NEBL: variants seen among roughly 807,000 people sequenced by gnomAD.
NEBL encodes the protein LIM and SH3 protein 2.
A neutral mutation model predicts 140.2 loss-of-function variants in NEBL; 122 were observed. The ratio of observed to expected loss-of-function variants is 0.87; its 90% CI spans 0.75 to 1.01. The LOEUF is 1.01. NEBL is among the 50% of genes least tolerant of loss of function. The pLI, the probability that NEBL is intolerant of heterozygous loss-of-function variation, is 0.00. For missense variants in NEBL, 1,365 were observed against 1,231.3 expected, an observed-to-expected ratio of 1.11 and a Z score of -1.62; for synonymous variants, 436 against 398.9, an observed-to-expected ratio of 1.09 and a Z score of -1.11.
rs10594967 is a variant in NEBL, at chr10:21,073,617, CAAA to C, written c.165-53419_165-53417del. Among the ~76,000 whole-genome samples the C allele has an allele frequency of 7.3e-3, 559 of 76,372 alleles. 4 individuals are homozygous for C. Among genetic ancestry groups the C allele is most frequent in the Non-Finnish European group, 9.2e-3 (311 of 33,796 alleles). 50.1% of individuals were successfully genotyped at this position (76,372 alleles called of 152,430 possible). The stretch of plus-strand genomic sequence containing the variant: ...GGGTGACAGAGCAAGACTCTGTCGT[CAAA>C]AAAAAAAAAAAAAAAAAGTCTTTAT... On this transcript the variant is annotated intron_variant, in intron 2 of 6. Coordinates refer to the NEBL transcript ENST00000417816.
At chr10:20,924,375 G>A (rs1047832912) in intron 4 of NEBL, among the ~76,000 whole-genome samples, 1 of 122,434 alleles carries the variant, frequency 8.2e-6, no homozygotes, top group Non-Finnish European at 1.6e-5. Context: ...TTTGACAGAT[G>A]TGTATCAAAT....
chr10:21,245,454 C>T (rs1023425314), intron 3 of NEBL, among the ~76,000 whole-genome samples: 3 of 152,162 alleles, frequency 2.0e-5, no homozygotes, highest in African/African-American at 2.4e-5. Context: ...AAGAAGTCTG[C>T]CCCGGTAGGG....
intron 4 of NEBL, among the ~76,000 whole-genome samples, chr10:20,913,218 C>T (rs1428495635): frequency 2.6e-5 from 4 of 152,130 alleles, no homozygotes; most frequent in Non-Finnish European, 5.9e-5. Flanking sequence ...AGAGTTCAGA[C>T]AGCCACAGGC....
intron 2 of NEBL, among the ~76,000 whole-genome samples, chr10:21,040,230 G>C (rs187401438): frequency 1.3e-5 from 2 of 152,302 alleles, no homozygotes; most frequent in African/African-American, 4.8e-5. Context: ...GCTGGGTATG[G>C]TGGCGGGTGC....
intron 7 of NEBL, among the ~76,000 whole-genome samples, chr10:20,864,257 A>G (rs1378502215): frequency 6.6e-6 from 1 of 152,212 alleles, no homozygotes; most frequent in Non-Finnish European, 1.5e-5. Context: ...CAGTTACTGT[A>G]CTTAAATCTG....
upstream of NEBL, among the ~76,000 whole-genome samples, chr10:20,899,125 A>G (rs1257712927): frequency 1.3e-5 from 2 of 152,246 alleles, no homozygotes; most frequent in African/African-American, 4.8e-5. Context: ...GTAAAAGGAA[A>G]GAATGTGTGC....
chr10:21,234,004 T>A (rs1236887465), intron 3 of NEBL, among the ~76,000 whole-genome samples: 1 of 121,514 alleles, frequency 8.2e-6, no homozygotes, highest in Non-Finnish European at 1.7e-5. Context: ...ATTTAGGAGA[T>A]TGTGAGATAG....
intron 2 of NEBL, among the ~76,000 whole-genome samples, chr10:21,063,604 CTG>C (rs1303923979): frequency 1.3e-5 from 2 of 152,148 alleles, no homozygotes; most frequent in Admixed American, 1.3e-4. Flanking sequence ...TTAAAGATCT[CTG>C]GAGTTGGCTG....
chr10:20,861,219 C>A (rs1181149691), intron 7 of NEBL, among the ~76,000 whole-genome samples: 1 of 152,156 alleles, frequency 6.6e-6, no homozygotes, highest in Non-Finnish European at 1.5e-5. Flanking sequence ...ACTCTATCAC[C>A]CAGGCTGGAG....
At chr10:20,867,610 A>G (rs1037085932) in intron 7 of NEBL, 2 of 152,138 alleles carry the variant, frequency 1.3e-5, no homozygotes, top group Admixed American at 6.6e-5. Flanking sequence ...CTTATGTAGT[A>G]TATAGAGTCT....
At chr10:20,851,715 G>A (rs1258354526) in intron 10 of NEBL, among the ~76,000 whole-genome samples, 3 of 151,982 alleles carry the variant, frequency 2.0e-5, no homozygotes, top group Non-Finnish European at 4.4e-5. Context: ...AACCCAGGAG[G>A]CAGAGGTTGC....
chr10:20,896,884 G>A, intron 2 of NEBL, 74 bp downstream of exon 2: 1 of 1,229,174 alleles, frequency 8.1e-7, no homozygotes, highest in South Asian at 1.2e-5. Context: ...TTCCCCCACA[G>A]CTCTATGACT....
intron 3 of NEBL, among the ~76,000 whole-genome samples, chr10:20,965,422 A>T (rs892258914): frequency 2.0e-5 from 3 of 152,214 alleles, no homozygotes; most frequent in African/African-American, 7.2e-5. Flanking sequence ...AGAGGGAGGA[A>T]GAAAGCCACA....
intron 3 of NEBL, among the ~76,000 whole-genome samples, chr10:21,211,497 A>T (rs1841914575): frequency 6.6e-6 from 1 of 152,106 alleles, no homozygotes; most frequent in Non-Finnish European, 1.5e-5. Flanking sequence ...AACAAAAAAC[A>T]AAACAAAACC....
chr10:20,828,228 A>T (rs1161020823), intron 17 of NEBL, among the ~76,000 whole-genome samples: 1 of 152,196 alleles, frequency 6.6e-6, no homozygotes, highest in Non-Finnish European at 1.5e-5. Flanking sequence ...GACTATTTTC[A>T]CCTTCAAAGT....
intron 3 of NEBL, among the ~76,000 whole-genome samples, chr10:20,999,061 T>A (rs1837780201): frequency 6.6e-6 from 1 of 152,058 alleles, no homozygotes; most frequent in African/African-American, 2.4e-5. Context: ...TTTCCCAGAC[T>A]TATGTTTGAA....
intron 3 of NEBL, among the ~76,000 whole-genome samples, chr10:20,974,258 T>TC (rs1211265786): frequency 6.6e-6 from 1 of 151,824 alleles, no homozygotes; most frequent in East Asian, 1.9e-4. Context: ...TTTTCTTTTT[T>TC]TTTTTTTTTC....
At chr10:20,957,862 A>G (rs1434217815) in intron 4 of NEBL, among the ~76,000 whole-genome samples, 4 of 152,222 alleles carry the variant, frequency 2.6e-5, no homozygotes, top group Admixed American at 2.6e-4. Context: ...CTATGGCACA[A>G]AGTCTGTAAA....
chr10:21,227,965 T>G (rs991915194), intron 3 of NEBL, among the ~76,000 whole-genome samples: 3 of 152,020 alleles, frequency 2.0e-5, no homozygotes, highest in Non-Finnish European at 4.4e-5. Context: ...GATATTTACA[T>G]TTACATTCTT....
Sources: allele counts gnomAD v4.1 joint callset (sites outside exome capture counted in the v4.1 genomes callset), GRCh38; gene constraint gnomAD v4.1.1; transcripts MANE v1.5; gene names NCBI Gene and HGNC (gene_info 2026-07-23, HGNC 2026-07-21).